GLIS3: variants seen among roughly 807,000 people sequenced by gnomAD.
The protein encoded by GLIS3 is GLIS family zinc finger 3.
Under a neutral mutation model 78.6 loss-of-function variants are expected in GLIS3, and 53 were observed. That is an observed-to-expected ratio of 0.67 (90% CI 0.54 to 0.85). The LOEUF (loss-of-function observed/expected upper bound fraction) is 0.85, where lower values mean the gene tolerates loss of function less well. GLIS3 is among the 40% of genes least tolerant of loss of function. The pLI, the probability that GLIS3 is intolerant of heterozygous loss-of-function variation, is 0.00. For missense variants in GLIS3, 1,703 were observed against 1,231.1 expected, an observed-to-expected ratio of 1.38 and a Z score of -5.74; for synonymous variants, 684 against 509.9, an observed-to-expected ratio of 1.34 and a Z score of -4.60.
chr9:4,268,969 T>C (rs2130126056), intron 2 of GLIS3, among the ~76,000 whole-genome samples: 1 of 152,326 alleles, frequency 6.6e-6, no homozygotes, highest in Admixed American at 6.5e-5. Context: ...TCAACAGCTG[T>C]TTAACAAAGC....
chr9:4,388,371 G>T, the GLIS3 span, among the ~76,000 whole-genome samples: 642 of 152,042 alleles, frequency 4.2e-3, no homozygotes, highest in African/African-American at 0.015. Flanking sequence ...TTACCTCCAG[G>T]GTTTATCTTA....
At chr9:4,187,657 CCT>C (rs1262559992) in intron 2 of GLIS3, among the ~76,000 whole-genome samples, 1 of 152,084 alleles carries the variant, frequency 6.6e-6, no homozygotes, top group Non-Finnish European at 1.5e-5. Flanking sequence ...TTGTTTGTAT[CCT>C]CTTTTATTTC....
intron 2 of GLIS3, among the ~76,000 whole-genome samples, chr9:4,221,971 C>A (rs1045070423): frequency 3.9e-5 from 6 of 152,288 alleles, no homozygotes; most frequent in African/African-American, 1.4e-4. Context: ...CATGCTGGGA[C>A]CCGATCAGCT....
At chr9:4,228,389 A>G (rs1441549124) in intron 2 of GLIS3, among the ~76,000 whole-genome samples, 2 of 152,192 alleles carry the variant, frequency 1.3e-5, no homozygotes, top group Non-Finnish European at 2.9e-5. Flanking sequence ...CTCTGAGAGT[A>G]CATAACCCTC....
intron 2 of GLIS3, among the ~76,000 whole-genome samples, chr9:4,316,500 A>T (rs1390583179): frequency 6.6e-6 from 1 of 152,238 alleles, no homozygotes; most frequent in Admixed American, 6.5e-5. Context: ...AAACAAAATC[A>T]GTTCCTGGCC....
intron 2 of GLIS3, among the ~76,000 whole-genome samples, chr9:4,251,786 G>C (rs566697739): frequency 6.6e-6 from 1 of 152,154 alleles, no homozygotes; most frequent in South Asian, 2.1e-4. Context: ...AGGAGCTTTT[G>C]TAAGGCAGGC....
At chr9:4,400,422 G>C in the GLIS3 span, among the ~76,000 whole-genome samples, 4 of 152,130 alleles carry the variant, frequency 2.6e-5, no homozygotes, top group African/African-American at 9.7e-5. Context: ...AAATTATTTT[G>C]AGCCTTAAAA....
rs557920539 is a variant in GLIS3, at chr9:4,248,251, C to A, written c.388+37787G>T. On this transcript the variant is annotated intron_variant, in intron 2 of 10. Transcript: ENST00000381971. ...TATCCTTCCCCCAGCCCCCCATCCC[C>A]CAACAGGCTCCAGTGTGTGATGTTC... 3.9e-5 allele frequency among the ~76,000 whole-genome samples: 6 copies of A among 152,192 alleles called. No individual in the cohort carries two copies. In the South Asian group the frequency reaches 1.2e-3, roughly 32 times the overall value.
chr9:3,959,314 G>A (rs533856419), intron 4 of GLIS3, among the ~76,000 whole-genome samples: 5 of 152,194 alleles, frequency 3.3e-5, no homozygotes, highest in Non-Finnish European at 7.3e-5. Flanking sequence ...CACTGCATTT[G>A]CTGGCACCTT....
intron 2 of GLIS3, among the ~76,000 whole-genome samples, chr9:4,186,463 G>A (rs1472264904): frequency 6.6e-6 from 1 of 151,820 alleles, no homozygotes; most frequent in Admixed American, 6.6e-5. Flanking sequence ...AAACATATGT[G>A]TGCATGTGTC....
At chr9:4,453,809 G>A in the GLIS3 span, among the ~76,000 whole-genome samples, 1 of 152,068 alleles carries the variant, frequency 6.6e-6, no homozygotes, top group South Asian at 2.1e-4. Flanking sequence ...GAGAACACTT[G>A]GACACAGGGT....
intron 4 of GLIS3, among the ~76,000 whole-genome samples, chr9:3,970,607 C>T (rs1237420091): frequency 1.3e-5 from 2 of 152,142 alleles, no homozygotes; most frequent in Non-Finnish European, 1.5e-5. Flanking sequence ...TAACAAAGAA[C>T]TATCTGGCTG....
chr9:3,915,436 C>T (rs10974127), intron 6 of GLIS3, among the ~76,000 whole-genome samples: 14,132 of 152,018 alleles, frequency 0.093, 810 homozygotes, highest in East Asian at 0.17. Context: ...CTTGGTGGTT[C>T]TGACAGAATG....
chr9:4,407,444 G>T, the GLIS3 span, among the ~76,000 whole-genome samples: 3 of 152,188 alleles, frequency 2.0e-5, no homozygotes, highest in East Asian at 3.9e-4. Flanking sequence ...AGGAGATCGA[G>T]ACCATCCTGG....
At position 4,267,287 on chromosome 9, in the gene GLIS3, G is replaced by T. The variant is rs149353855; in HGVS notation, c.388+18751C>A. ...CCAGGTCTCCAGTCTTCAGATCAAA[G>T]ATGAGTTTATAGATAGATTATGTAT... On this transcript the variant is annotated intron_variant, in intron 2 of 10. Coordinates refer to ENST00000381971, the MANE Select transcript of GLIS3 (RefSeq NM_001042413.2). 1.1e-4 allele frequency among the ~76,000 whole-genome samples: 17 copies of T among 152,268 alleles called. No homozygotes were observed. In the East Asian group the frequency reaches 3.3e-3, roughly 29 times the overall value.
the GLIS3 span, among the ~76,000 whole-genome samples, chr9:4,442,613 T>C: frequency 6.6e-6 from 1 of 151,976 alleles, no homozygotes; most frequent in African/African-American, 2.4e-5. Context: ...TTTCATAAAT[T>C]TTATGCCTCC....
At chr9:4,328,550 A>G (rs10974469) in intron 2 of GLIS3, among the ~76,000 whole-genome samples, 1 of 151,908 alleles carries the variant, frequency 6.6e-6, no homozygotes, top group East Asian at 1.9e-4. Context: ...GGAAATCTAG[A>G]GGGGCCAAGC....
At chr9:4,282,447 A>G (rs566471504) in intron 2 of GLIS3, among the ~76,000 whole-genome samples, 2 of 152,258 alleles carry the variant, frequency 1.3e-5, no homozygotes, top group South Asian at 4.2e-4. Context: ...AACAAGGTTG[A>G]CCCTCGCCCC....
intron 3 of GLIS3, chr9:4,123,682 T>C (rs1273801218): frequency 1.8e-5 from 7 of 394,342 alleles, no homozygotes; most frequent in African/African-American, 4.1e-5. Flanking sequence ...ACTATGTAGA[T>C]TACTAGATCA....
Sources: allele counts gnomAD v4.1 joint callset (sites outside exome capture counted in the v4.1 genomes callset), GRCh38; gene constraint gnomAD v4.1.1; transcripts MANE v1.5; gene names NCBI Gene and HGNC (gene_info 2026-07-23, HGNC 2026-07-21).